GDF5: variants seen among roughly 807,000 people sequenced by gnomAD.
The protein encoded by GDF5 is growth differentiation factor 5.
Under a neutral mutation model 34.6 loss-of-function variants are expected in GDF5, and 17 were observed. The observed-to-expected ratio is 0.49, with a 90% CI of 0.34 to 0.74. The LOEUF is 0.74. GDF5 is among the 30% of genes least tolerant of loss of function. The pLI is 0.01. For missense variants in GDF5, 616 were observed against 661.2 expected (o/e 0.93, Z 0.75); for synonymous variants, 332 against 290.7 (o/e 1.14, Z -1.44).
chr20:35,442,537 C>CTTTTTTT (rs57668486), upstream of GDF5, among the ~76,000 whole-genome samples: 1 of 118,934 alleles, frequency 8.4e-6, no homozygotes, highest in Non-Finnish European at 1.6e-5. Flanking sequence ...TGATACCCGT[C>CTTTTTTT]TTTTTTTTTT....
At chr20:35,445,974 A>T (rs2146589187) in intron 1 of GDF5, among the ~76,000 whole-genome samples, 1 of 150,660 alleles carries the variant, frequency 6.6e-6, no homozygotes, top group South Asian at 2.1e-4. Context: ...TGTCTCAAAA[A>T]ATAATAATAA....
At chr20:35,445,330 A>G (rs2062510222) in intron 1 of GDF5, among the ~76,000 whole-genome samples, 1 of 152,134 alleles carries the variant, frequency 6.6e-6, no homozygotes, top group Admixed American at 6.5e-5. Flanking sequence ...CAGTAGTTCG[A>G]GACCAGCCTG....
rs1052584368 is a variant in GDF5, at chr20:35,433,741, G to A, written c.*168C>T. The A allele has an allele frequency of 7.0e-6, 5 of 711,668 alleles. No individual in the cohort carries two copies. The highest frequency in any genetic ancestry group is 6.9e-5 in the African/African-American group (4 of 57,704). The allele number at this position is 711,668 out of a possible 1,614,324, so 44.1% of individuals were successfully genotyped here. On this transcript the variant is annotated 3_prime_UTR_variant, in exon 2 of 2. Coordinates refer to ENST00000374369, the MANE Select transcript of GDF5 (RefSeq NM_000557.5). ...CCAGGGGAACTTGTGGATAAAAGGG[G>A]GCCTTTAGCCCAAGTCACACTCAGA...
upstream of GDF5, among the ~76,000 whole-genome samples, chr20:35,438,416 A>G (rs564929634): frequency 1.3e-5 from 2 of 151,346 alleles, no homozygotes; most frequent in South Asian, 4.2e-4. Flanking sequence ...GTGCTCAGAA[A>G]AATCTTTTAC....
chr20:35,438,976 T>G (rs1042967730), upstream of GDF5, among the ~76,000 whole-genome samples: 1 of 151,858 alleles, frequency 6.6e-6, no homozygotes, highest in Non-Finnish European at 1.5e-5. Context: ...TTAATAAACT[T>G]GTGGTGACCC....
upstream of GDF5, chr20:35,438,288 G>T: frequency 3.2e-6 from 1 of 317,278 alleles, no homozygotes. Flanking sequence ...AAGGAAGAAT[G>T]GCGTAATGCT....
At chr20:35,444,392 G>A (rs1427183548) in intron 1 of GDF5, among the ~76,000 whole-genome samples, 1 of 152,148 alleles carries the variant, frequency 6.6e-6, no homozygotes, top group East Asian at 1.9e-4. Flanking sequence ...GAAGTCTGGA[G>A]GACAAGCATT....
chr20:35,453,379 G>A (rs780999548), intron 1 of GDF5, among the ~76,000 whole-genome samples: 1 of 152,236 alleles, frequency 6.6e-6, no homozygotes, highest in African/African-American at 2.4e-5. Flanking sequence ...TACCAGCTAG[G>A]CCAAGAGCTG....
chr20:35,443,270 T>G (rs555477234), intron 1 of GDF5, among the ~76,000 whole-genome samples: 1 of 152,240 alleles, frequency 6.6e-6, no homozygotes, highest in South Asian at 2.1e-4. Flanking sequence ...CCCGACATGT[T>G]TAATTACTGG....
upstream of GDF5, among the ~76,000 whole-genome samples, chr20:35,442,228 C>A (rs1250414214): frequency 1.3e-5 from 2 of 152,138 alleles, no homozygotes; most frequent in African/African-American, 4.8e-5. Context: ...CTCACTGCAA[C>A]CCCCGCCTCC....
rs1015071414 is a variant in GDF5 at position 35,449,990 on chromosome 20, T to TAAA, written c.-398+4647_-398+4649dup. The stretch of plus-strand genomic sequence containing the variant: ...AGTGAAAGAGCAAAACCCTGTCTCT[T>TAAA]AAAAAAAAAAAAAGAGAGAGAGAGA... On this transcript the variant is annotated intron_variant, in intron 1 of 3. Transcript: ENST00000374372. 2.2e-5 allele frequency among the ~76,000 whole-genome samples: 3 copies of TAAA among 135,860 alleles called. No individual in the cohort carries two copies. The East Asian group carries it at 6.5e-4, about 29-fold the overall frequency. The allele number at this position is 135,860 out of a possible 152,430, so 89.1% of individuals were successfully genotyped here. A position where few individuals can be genotyped will look rare whatever the true frequency, so the allele number is the denominator to read the frequency against.
chr20:35,454,244 G>C (rs1002423674), intron 1 of GDF5: 5 of 332,088 alleles, frequency 1.5e-5, no homozygotes, highest in African/African-American at 1.1e-4. Context: ...ACGAGGTCAA[G>C]AGAGATCGAG....
chr20:35,434,284 C>T lies in GDF5; in HGVS notation c.1131G>A (p.Arg377=), dbSNP rs1026845174. ...KTVYEYLFSQ[R]RKRRAPLATR... ...TGGCCAGTGGGGCCCGCCGTTTTCG[C>T]CGCTGGCTGAACAGGTACTCATACA... The change falls in exon 2 of 2, where the codon CGG becomes CGA. Residue 377 remains arginine, a synonymous_variant. Transcript: ENST00000374369. 1 of 1,614,186 alleles carries T rather than the reference C, an allele frequency of 6.2e-7. No individual in the cohort carries two copies. Among genetic ancestry groups the T allele is most frequent in the African/African-American group, 1.3e-5 (1 of 75,054 alleles).
intron 1 of GDF5, chr20:35,435,083 C>CTTCT: frequency 1.6e-6 from 1 of 610,148 alleles, no homozygotes; most frequent in Non-Finnish European, 3.0e-6. Flanking sequence ...TTGTAACTGC[C>CTTCT]TTCTACCTAT....
intron 1 of GDF5, among the ~76,000 whole-genome samples, chr20:35,451,078 T>TATATATATATAA (rs2062531477): frequency 5.8e-4 from 25 of 43,036 alleles, no homozygotes; most frequent in Non-Finnish European, 6.5e-4. Flanking sequence ...TATATATATA[T>TATATATATATAA]ATATATATAT....
intron 1 of GDF5, among the ~76,000 whole-genome samples, chr20:35,448,448 C>CTTTTTTTT (rs34209210): frequency 6.9e-5 from 6 of 86,748 alleles, no homozygotes; most frequent in Admixed American, 2.1e-4. Context: ...GCCCCCCCGA[C>CTTTTTTTT]TTTTTTTTTT....
intron 1 of GDF5, among the ~76,000 whole-genome samples, chr20:35,452,504 C>A (rs2062537122): frequency 6.6e-6 from 1 of 152,194 alleles, no homozygotes; most frequent in Non-Finnish European, 1.5e-5. Flanking sequence ...CTCACCGCAA[C>A]CTCCGCCTCC....
upstream of GDF5, among the ~76,000 whole-genome samples, chr20:35,438,395 C>T (rs1338318190): frequency 1.3e-5 from 2 of 151,742 alleles, no homozygotes; most frequent in Non-Finnish European, 2.9e-5. Flanking sequence ...CACACACTCA[C>T]AGGCCTGCAG....
chr20:35,437,671 C>G lies in GDF5; in HGVS notation c.258G>C (p.Leu86=). The change falls in exon 1 of 2, where the codon CTG becomes CTC. Residue 86 remains leucine (L), a synonymous_variant. Transcript: ENST00000374369. ...AKGGTGQTGG[L]TQPKKDEPKK... ...TGGGTTCATCCTTCTTGGGCTGTGT[C>G]AGGCCTCCTGTCTGCCCGGTGCCTC... 2 of 1,614,124 alleles carry G rather than the reference C, an allele frequency of 1.2e-6. No homozygotes were observed. The highest frequency in any genetic ancestry group is 1.7e-6 in the Non-Finnish European group (2 of 1,179,998).
Sources: gnomAD v4.1 joint callset for allele counts (sites outside exome capture counted in the v4.1 genomes callset) on GRCh38, gnomAD v4.1.1 for gene constraint, MANE v1.5 for transcripts, NCBI Gene and HGNC (gene_info 2026-07-23, HGNC 2026-07-21) for gene names.